CNTN4: variants seen among roughly 807,000 people sequenced by gnomAD.
CNTN4 encodes contactin 4.
CNTN4 carries 77 observed loss-of-function variants against 122.5 expected under a neutral mutation model. The observed-to-expected ratio is 0.63, with a 90% confidence interval of 0.52 to 0.76. CNTN4 has a LOEUF of 0.76. CNTN4 is among the 30% of genes least tolerant of loss of function. The pLI, the probability that CNTN4 is intolerant of heterozygous loss-of-function variation, is 0.00. For synonymous variants in CNTN4, 512 were observed against 447.0 expected (o/e 1.15, Z -1.83); for missense variants, 1,256 against 1,259.1 (o/e 1.00, Z 0.04).
At chr3:2,124,467 CA>C (rs2034005997) in intron 2 of CNTN4, among the ~76,000 whole-genome samples, 2 of 148,554 alleles carry the variant, frequency 1.3e-5, no homozygotes. Context: ...CACACACACA[CA>C]CACACCCCCT....
intron 3 of CNTN4, among the ~76,000 whole-genome samples, chr3:2,358,420 A>G (rs1343131615): frequency 6.6e-6 from 1 of 151,930 alleles, no homozygotes; most frequent in Non-Finnish European, 1.5e-5. Context: ...AGCATTTAAT[A>G]TATTTAGGAT....
At chr3:2,308,525 C>G (rs2042800097) in intron 2 of CNTN4, among the ~76,000 whole-genome samples, 1 of 151,962 alleles carries the variant, frequency 6.6e-6, no homozygotes, top group African/African-American at 2.4e-5. Context: ...GCATTCAAAG[C>G]TTTACATTTT....
At chr3:2,267,461 A>G (rs1382836975) in intron 2 of CNTN4, among the ~76,000 whole-genome samples, 1 of 152,106 alleles carries the variant, frequency 6.6e-6, no homozygotes, top group African/African-American at 2.4e-5. Context: ...GAATATTTGA[A>G]TTGCATCCCA....
chr3:2,136,616 G>C (rs1017247409), intron 2 of CNTN4, among the ~76,000 whole-genome samples: 2 of 151,904 alleles, frequency 1.3e-5, no homozygotes, highest in East Asian at 3.9e-4. Context: ...TGTTGTATTT[G>C]AGAAGCGACG....
chr3:2,256,610 A>C (rs981420788), intron 2 of CNTN4, among the ~76,000 whole-genome samples: 1 of 152,180 alleles, frequency 6.6e-6, no homozygotes, highest in Admixed American at 6.5e-5. Context: ...AGTCATCTTC[A>C]TCACTGGGAT....
At chr3:2,106,439 C>T (rs11709008) in intron 2 of CNTN4, among the ~76,000 whole-genome samples, 30,332 of 152,200 alleles carry the variant, frequency 0.2, 3,313 homozygotes, top group East Asian at 0.44. Context: ...GGTTCCCAAA[C>T]CTTCATTTTT....
chr3:2,224,598 C>T (rs775428379), intron 2 of CNTN4, among the ~76,000 whole-genome samples: 2 of 152,156 alleles, frequency 1.3e-5, no homozygotes, highest in Non-Finnish European at 2.9e-5. Context: ...TCTAGTGAAT[C>T]TCTGAGTAGA....
chr3:2,992,715 G>A (rs1283975632), intron 14 of CNTN4, among the ~76,000 whole-genome samples: 3 of 152,198 alleles, frequency 2.0e-5, no homozygotes, highest in African/African-American at 7.2e-5. Context: ...GACTCAAAAT[G>A]TAGGGCAGTA....
At chr3:2,416,962 C>T (rs751590479) in intron 3 of CNTN4, among the ~76,000 whole-genome samples, 17 of 152,156 alleles carry the variant, frequency 1.1e-4, no homozygotes, top group Non-Finnish European at 2.5e-4. Context: ...CCCAGTGTCG[C>T]AACTTTCTAT....
rs548038447 is a variant in CNTN4 at position 2,295,370 on chromosome 3, G to C, written c.-144-43808G>C. On this transcript the variant is annotated intron_variant, in intron 2 of 24. Coordinates refer to ENST00000418658, the MANE Select transcript of CNTN4 (RefSeq NM_175607.3). ...TCCTGACTTTTGAATGATCGCCATT[G>C]TAACTGGTGTGAGATGGTATCTCAT... Among the ~76,000 whole-genome samples the C allele has an allele frequency of 5.8e-3, 783 of 134,250 alleles. 36 individuals are homozygous for C. Among genetic ancestry groups the C allele is most frequent in the African/African-American group, 0.018 (612 of 33,786 alleles). The allele number at this position is 134,250 out of a possible 152,430, so 88.1% of individuals were successfully genotyped here.
At chr3:3,037,364 C>G (rs746422332) in intron 18 of CNTN4, 36 bp downstream of exon 18, 2 of 1,613,816 alleles carry the variant, frequency 1.2e-6, no homozygotes, top group Admixed American at 3.3e-5. Flanking sequence ...ATCTGTTCTG[C>G]CAGCTGCTGT....
chr3:2,541,312 A>G (rs907043475), intron 3 of CNTN4, among the ~76,000 whole-genome samples: 1 of 152,208 alleles, frequency 6.6e-6, no homozygotes, highest in South Asian at 2.1e-4. Context: ...GTGAGGCTAT[A>G]AAAAATAGAC....
At chr3:2,737,511 T>C (rs1206210629) in intron 5 of CNTN4, among the ~76,000 whole-genome samples, 1 of 152,256 alleles carries the variant, frequency 6.6e-6, no homozygotes, top group East Asian at 1.9e-4. Flanking sequence ...TGACTTTCTC[T>C]TTGAAAACAT....
At chr3:2,918,184 G>A (rs555344392) in intron 12 of CNTN4, among the ~76,000 whole-genome samples, 32 of 152,262 alleles carry the variant, frequency 2.1e-4, no homozygotes, top group African/African-American at 7.7e-4. Flanking sequence ...CATAAACATA[G>A]CTCTTCTACA....
chr3:2,996,611 A>T (rs1490806153), intron 14 of CNTN4, among the ~76,000 whole-genome samples: 2 of 152,202 alleles, frequency 1.3e-5, no homozygotes, highest in African/African-American at 4.8e-5. Context: ...TGAAGCACAT[A>T]ATTAATTTCT....
chr3:2,340,900 C>G (rs1374824570), intron 3 of CNTN4, among the ~76,000 whole-genome samples: 1 of 151,852 alleles, frequency 6.6e-6, no homozygotes, highest in Admixed American at 6.6e-5. Context: ...TTGGGATCAG[C>G]TGCTTGGGTC....
chr3:2,835,878 G>A (rs180929369), intron 7 of CNTN4, among the ~76,000 whole-genome samples: 1 of 151,922 alleles, frequency 6.6e-6, no homozygotes, highest in East Asian at 1.9e-4. Context: ...CAAACCTAGG[G>A]GAAATGGAAA....
intron 23 of CNTN4, among the ~76,000 whole-genome samples, chr3:3,050,441 G>A (rs559853579): frequency 1.3e-5 from 2 of 152,106 alleles, no homozygotes; most frequent in South Asian, 4.2e-4. Context: ...AGCCCTACAG[G>A]TGGTAGCCAA....
chr3:2,791,560 G>A (rs907207485), intron 6 of CNTN4, among the ~76,000 whole-genome samples: 27 of 151,898 alleles, frequency 1.8e-4, no homozygotes, highest in African/African-American at 5.8e-4. Flanking sequence ...TAGAAACTGA[G>A]CTCTATACAA....
Sources: allele counts gnomAD v4.1 joint callset (sites outside exome capture counted in the v4.1 genomes callset), GRCh38; gene constraint gnomAD v4.1.1; transcripts MANE v1.5; gene names NCBI Gene and HGNC (gene_info 2026-07-23, HGNC 2026-07-21).